Variants in GRIN1 observed in about 807,000 individuals in gnomAD.
GRIN1 encodes the protein glutamate ionotropic receptor NMDA type subunit 1, also known as glutamate receptor ionotropic, NMDA 1.
Under a neutral mutation model 103.0 loss-of-function variants are expected in GRIN1, and 38 were observed. That is an observed-to-expected ratio of 0.37 (90% confidence interval 0.28 to 0.48). The LOEUF is 0.48. Among genes scored for constraint, GRIN1 ranks in the 20% least tolerant of loss-of-function variants. The pLI is 0.98. For missense variants in GRIN1, 577 were observed against 1,288.9 expected (o/e 0.45, Z 8.46); for synonymous variants, 544 against 532.7 (o/e 1.02, Z -0.29).
chr9:137,139,622 G>T lies in GRIN1; in HGVS notation c.136G>T (p.Val46Leu). 1.9e-6 allele frequency: 3 copies of T among 1,613,734 alleles called. No individual in the cohort carries two copies. Among genetic ancestry groups the T allele is most frequent in the Non-Finnish European group, 2.5e-6 (3 of 1,179,908 alleles). ...GCACGAGCAGATGTTCCGCGAGGCCGTGAACCAGGCCAACAAGCGGCACGG... is the reference window on the plus strand; with the variant it reads ...GCACGAGCAGATGTTCCGCGAGGCCTTGAACCAGGCCAACAAGCGGCACGG... The part of the protein sequence containing the change: ...RKHEQMFREA[V>L]NQANKRHGSW... Residue 46 changes from valine to leucine, a missense_variant, in exon 1 of 20, where the codon GTG (valine) becomes TTG (leucine). Val to Leu is a conservative substitution (Grantham distance 32). This residue lies in a region of GRIN1 where 308 missense variants were observed against 553.6 expected (regional missense o/e 0.56). Coordinates refer to ENST00000371561, the MANE Select transcript of GRIN1 (RefSeq NM_007327.4). The surrounding 1 kb of genome is among the most constrained non-coding windows in gnomAD (Gnocchi z 7.7).
At position 137,144,592 on chromosome 9, in the gene GRIN1, C is replaced by T. The variant is rs112078638; in HGVS notation, c.394-1134C>T. On this transcript the variant is annotated intron_variant, in intron 2 of 19. Transcript: ENST00000371561. ...ATGGTGTGAACCCAGGAGGCGGAGC[C>T]TGCAGTGAGCCGAGATTGCACTCCA... is the stretch of plus-strand genomic sequence containing the variant. 3.7e-3 allele frequency among the ~76,000 whole-genome samples: 563 copies of T among 150,240 alleles called. 2 individuals are homozygous for T. The highest frequency in any genetic ancestry group is 7.7e-3 in the African/African-American group (315 of 40,698).
chr9:137,151,350 C>CCCCGCCCAGAAAAAGT (rs1832899115), intron 4 of GRIN1, among the ~76,000 whole-genome samples: 1 of 147,366 alleles, frequency 6.8e-6, no homozygotes. Flanking sequence ...CCAGGGAAAG[C>CCCCGCCCAGAAAAAGT]CCCGCCCAGA....
intron 3 of GRIN1, among the ~76,000 whole-genome samples, chr9:137,147,758 C>CG (rs1231863354): frequency 3.9e-5 from 6 of 152,132 alleles, no homozygotes; most frequent in African/African-American, 4.8e-5. Flanking sequence ...GGACAGGCCC[C>CG]GGGGGGGCTG....
chr9:137,161,980 G>T lies in GRIN1; in HGVS notation c.1524G>T (p.Gly508=). 1 of 1,564,294 alleles carries T rather than the reference G, an allele frequency of 6.4e-7. No individual in the cohort carries two copies. The highest frequency in any genetic ancestry group is 8.7e-7 in the Non-Finnish European group (1 of 1,154,554). Residue 508 remains glycine, a synonymous_variant, in exon 11 of 20, where the codon GGG becomes GGT. Coordinates refer to ENST00000371561, the MANE Select transcript of GRIN1 (RefSeq NM_007327.4). ...GGATGATGGGCGAGCTGCTCAGCGGGCAGGCAGACATGATCGTGGCGCCGC... is the reference window on the plus strand; with the variant it reads ...GGATGATGGGCGAGCTGCTCAGCGGTCAGGCAGACATGATCGTGGCGCCGC... ...WNGMMGELLS[G]QADMIVAPLT... is the part of the protein sequence containing the mutation.
chr9:137,165,374 G>C (rs1335702194), intron 19 of GRIN1, 78 bp downstream of exon 19: 10 of 914,908 alleles, frequency 1.1e-5, no homozygotes, highest in Non-Finnish European at 3.6e-6. Context: ...CCATCACCCC[G>C]CCCCGGACCC....
Position 137,164,558 on chromosome 9 carries a change from C to T in GRIN1, c.2590-628C>T, listed in dbSNP as rs540160802. ...TGGAGCCTGTGTCCTGAGATGAAGC[C>T]GACAGTGCGGCCAGGGCTGCTGGGG... On this transcript the variant is annotated intron_variant, in intron 18 of 19. Coordinates refer to ENST00000371561, the MANE Select transcript of GRIN1 (RefSeq NM_007327.4). The T allele has an allele frequency of 8.7e-4, 153 of 175,528 alleles. 1 individual carries two copies. The highest frequency in any genetic ancestry group is 2.4e-3 in the African/African-American group (101 of 41,746). 10.9% of individuals were successfully genotyped at this position (175,528 alleles called of 1,614,324 possible). A position where few individuals can be genotyped will look rare whatever the true frequency, so the allele number is the denominator to read the frequency against.
chr9:137,163,512 C>T (rs201072862), intron 16 of GRIN1, 47 bp from the exon 17 acceptor site: 11 of 1,446,866 alleles, frequency 7.6e-6, no homozygotes, highest in South Asian at 5.7e-5. Context: ...TGCTCCTTCC[C>T]GTCCTGGGCC....
intron 4 of GRIN1, among the ~76,000 whole-genome samples, chr9:137,156,193 T>C (rs1382554177): frequency 1.3e-5 from 2 of 152,190 alleles, no homozygotes; most frequent in African/African-American, 4.8e-5. Context: ...CAGTGCCTGG[T>C]ATCTGGCCAG....
At chr9:137,164,001 G>A (rs1365326878) in intron 18 of GRIN1, 97 bp downstream of exon 18, 2 of 1,428,352 alleles carry the variant, frequency 1.4e-6, no homozygotes, top group East Asian at 4.6e-5. Context: ...TCTGGCTCTG[G>A]TGGGCAGGAC....
intron 19 of GRIN1, 120 bp from the exon 20 acceptor site, chr9:137,167,291 G>C: frequency 1.3e-6 from 1 of 781,458 alleles, no homozygotes; most frequent in Non-Finnish European, 2.2e-6. Context: ...GTCCGGCTGC[G>C]GAGATCCCCT....
Position 137,161,431 on chromosome 9 carries a change from G to T in GRIN1, c.1467+15G>T. The stretch of plus-strand genomic sequence containing the variant: ...CACAGGAGCGGGTAGGCTGGACGGC[G>T]GGGGTGGGGACCAGCGTGAGAGGGG... On this transcript the variant is annotated intron_variant, in intron 10 of 19. Transcript: ENST00000371561. 6.2e-7 allele frequency: 1 copy of T among 1,607,260 alleles called. No individual in the cohort carries two copies.
chr9:137,167,491 C>A lies in GRIN1; in HGVS notation c.2781C>A (p.Gly927=). ...LPRRAIEREE[G]QLQLCSRHRE... Reference sequence around the variant, plus strand: ...GACGCGCTATTGAGAGGGAGGAGGGCCAGCTGCAGCTGTGTTCCCGTCATA... The same window carrying A: ...GACGCGCTATTGAGAGGGAGGAGGGACAGCTGCAGCTGTGTTCCCGTCATA... Residue 927 remains glycine, a synonymous_variant, in exon 20 of 20, where the codon GGC becomes GGA. Transcript: ENST00000371561. 4.5e-6 allele frequency: 7 copies of A among 1,557,506 alleles called. No individual in the cohort carries two copies. Among genetic ancestry groups the A allele is most frequent in the Non-Finnish European group, 6.1e-6 (7 of 1,150,472 alleles).
At chr9:137,149,242 C>G in intron 4 of GRIN1, 133 bp downstream of exon 4, 1 of 696,664 alleles carries the variant, frequency 1.4e-6, no homozygotes, top group Non-Finnish European at 2.6e-6. Flanking sequence ...CCAAGGACAG[C>G]CACCCCCACC....
At chr9:137,142,286 C>T (rs1427839624) in intron 2 of GRIN1, 139 bp downstream of exon 2, 32 of 807,976 alleles carry the variant, frequency 4.0e-5, no homozygotes, top group Middle Eastern at 2.5e-4. Context: ...CATTCATGCA[C>T]GTCCACACGC....
In GRIN1 at chr9:137,162,189, G is replaced by A. The variant is rs1588731007; in HGVS notation, c.1650G>A (p.Thr550=). The A allele has an allele frequency of 6.5e-7, 1 of 1,544,472 alleles. No individual in the cohort carries two copies. The highest frequency in any genetic ancestry group is 8.7e-7 in the Non-Finnish European group (1 of 1,148,928). The change falls in exon 12 of 20, where the codon ACG becomes ACA. Residue 550 remains threonine (T), a synonymous_variant. Transcript: ENST00000371561. Reference sequence around the variant, plus strand: ...CTCCGCAGGAGATTCCCCGGAGCACGCTGGACTCGTTCATGCAGCCGTTCC... The same window carrying A: ...CTCCGCAGGAGATTCCCCGGAGCACACTGGACTCGTTCATGCAGCCGTTCC... The part of the protein sequence containing the change: ...ILVKKEIPRS[T]LDSFMQPFQS...
intron 4 of GRIN1, among the ~76,000 whole-genome samples, chr9:137,153,570 C>T (rs1040253117): frequency 1.2e-4 from 19 of 152,146 alleles, no homozygotes; most frequent in African/African-American, 4.6e-4. Flanking sequence ...ACCATACACA[C>T]GTGCATCTAC....
Position 137,163,749 on chromosome 9 carries a change from C to G in GRIN1, c.2444-10C>G. 1 of 1,613,744 alleles carries G rather than the reference C, an allele frequency of 6.2e-7. No homozygotes were observed. The highest frequency in any genetic ancestry group is 8.5e-7 in the Non-Finnish European group (1 of 1,180,040). On this transcript the variant is annotated splice_polypyrimidine_tract_variant and intron_variant, in intron 17 of 19. Coordinates refer to ENST00000371561, the MANE Select transcript of GRIN1 (RefSeq NM_007327.4). The stretch of plus-strand genomic sequence containing the variant: ...GGCCAGCAACTGAGGCTCTGGGTCC[C>G]GGCACACAGGGGTCTTCATGCTGGT...
At chr9:137,156,167 C>T (rs899892295) in intron 4 of GRIN1, among the ~76,000 whole-genome samples, 21 of 152,168 alleles carry the variant, frequency 1.4e-4, no homozygotes, top group Non-Finnish European at 2.8e-4. Context: ...ACATAATCCC[C>T]GTAAAACACT....
In GRIN1 at chr9:137,149,053, G is replaced by T; in HGVS notation, c.615G>T (p.Thr205=). ...LQFDPGTKNV[T]ALLMEAKELE... is the part of the protein sequence containing the mutation. The stretch of plus-strand genomic sequence containing the variant: ...TTGACCCAGGGACCAAGAACGTGAC[G>T]GCCCTGCTGATGGAGGCGAAAGAGC... Residue 205 remains threonine (T), a synonymous_variant, in exon 4 of 20, where the codon ACG becomes ACT. Transcript: ENST00000371561. 5 of 1,613,682 alleles carry T rather than the reference G, an allele frequency of 3.1e-6. No individual in the cohort carries two copies. Among genetic ancestry groups the T allele is most frequent in the Non-Finnish European group, 4.2e-6 (5 of 1,179,752 alleles).
Sources: allele counts gnomAD v4.1 joint callset (sites outside exome capture counted in the v4.1 genomes callset), GRCh38; gene constraint gnomAD v4.1.1; regional missense constraint gnomAD v4.1.1; non-coding constraint Gnocchi (gnomAD v3.1); transcripts MANE v1.5; gene names NCBI Gene and HGNC (gene_info 2026-07-23, HGNC 2026-07-21).